PXDNL: variants seen among roughly 807,000 people sequenced by gnomAD.
PXDNL encodes the protein peroxidasin like.
Under a neutral mutation model 150.8 loss-of-function variants are expected in PXDNL, and 145 were observed. That is an observed-to-expected ratio of 0.96 (90% CI 0.84 to 1.10). The LOEUF is 1.10. PXDNL is among the 50% of genes least tolerant of loss of function. The pLI, the probability that PXDNL is intolerant of heterozygous loss-of-function variation, is 0.00. For missense variants in PXDNL, 2,087 were observed against 1,873.9 expected (o/e 1.11, Z -2.10); for synonymous variants, 757 against 725.7 (o/e 1.04, Z -0.69).
intron 4 of PXDNL, among the ~76,000 whole-genome samples, chr8:51,534,357 G>C (rs1209721894): frequency 4.0e-5 from 6 of 148,164 alleles, no homozygotes; most frequent in African/African-American, 1.5e-4. Context: ...GGAGGTGGGG[G>C]GGGGTCAGCC....
intron 3 of PXDNL, among the ~76,000 whole-genome samples, chr8:51,587,771 C>T (rs1434657801): frequency 6.6e-6 from 1 of 152,028 alleles, no homozygotes; most frequent in East Asian, 1.9e-4. Context: ...CTTAATTAAG[C>T]AAATATCAAG....
At chr8:51,748,649 A>G (rs151000462) in intron 1 of PXDNL, among the ~76,000 whole-genome samples, 2 of 152,292 alleles carry the variant, frequency 1.3e-5, no homozygotes, top group Non-Finnish European at 2.9e-5. Flanking sequence ...TGAACAAGTG[A>G]CCATAGAATT....
intron 1 of PXDNL, among the ~76,000 whole-genome samples, chr8:51,806,777 A>C (rs1317997374): frequency 6.6e-6 from 1 of 152,162 alleles, no homozygotes. Context: ...CCAAATCCCC[A>C]AAGGCCATCA....
chr8:51,701,743 C>T (rs1044584745), intron 1 of PXDNL, among the ~76,000 whole-genome samples: 20 of 152,130 alleles, frequency 1.3e-4, no homozygotes, highest in African/African-American at 4.6e-4. Flanking sequence ...AGTCTGATTG[C>T]TTTTCAATAA....
At chr8:51,402,951 G>A (rs1294006189) in intron 17 of PXDNL, among the ~76,000 whole-genome samples, 1 of 151,338 alleles carries the variant, frequency 6.6e-6, no homozygotes, top group African/African-American at 2.4e-5. Context: ...TTAGCCGGGC[G>A]AGGTGGCCGG....
chr8:51,659,440 T>C (rs1331454683), intron 1 of PXDNL, among the ~76,000 whole-genome samples: 1 of 152,196 alleles, frequency 6.6e-6, no homozygotes, highest in Non-Finnish European at 1.5e-5. Flanking sequence ...ACTAATAAGA[T>C]GTGAGTTTCT....
chr8:51,650,796 G>C (rs1815018123), intron 2 of PXDNL, among the ~76,000 whole-genome samples: 1 of 152,174 alleles, frequency 6.6e-6, no homozygotes, highest in Non-Finnish European at 1.5e-5. Flanking sequence ...TAAGAGCAAA[G>C]ACAAAATGAC....
At chr8:51,592,081 C>T (rs1813455680) in intron 3 of PXDNL, among the ~76,000 whole-genome samples, 1 of 152,192 alleles carries the variant, frequency 6.6e-6, no homozygotes, top group African/African-American at 2.4e-5. Context: ...GTCAAACAGG[C>T]AGTTGTTTAA....
chr8:51,330,007 G>A (rs542698295), intron 21 of PXDNL, among the ~76,000 whole-genome samples: 1 of 152,278 alleles, frequency 6.6e-6, no homozygotes, highest in East Asian at 1.9e-4. Flanking sequence ...AGTGCTGAGG[G>A]CAGGAGAGGC....
At chr8:51,379,981 G>T (rs182308180) in intron 17 of PXDNL, among the ~76,000 whole-genome samples, 3 of 151,786 alleles carry the variant, frequency 2.0e-5, no homozygotes, top group Non-Finnish European at 2.9e-5. Context: ...TTTTCTTGTG[G>T]CTTTCTATTC....
At chr8:51,617,678 C>A (rs1274223193) in intron 2 of PXDNL, among the ~76,000 whole-genome samples, 1 of 152,134 alleles carries the variant, frequency 6.6e-6, no homozygotes, top group Non-Finnish European at 1.5e-5. Flanking sequence ...GGCTAACATT[C>A]CATTTTTTTT....
Position 51,624,916 on chromosome 8 carries a change from C to T in PXDNL, c.236+29773G>A, listed in dbSNP as rs143528112. ...GCAGATGTCTTATTAATAAAACTTA[C>T]ATTTTACATAACGTAATTCTAAATG... On this transcript the variant is annotated intron_variant, in intron 2 of 22. Transcript: ENST00000356297. Among the ~76,000 whole-genome samples the T allele has an allele frequency of 6.3e-3, 955 of 151,952 alleles. 11 individuals are homozygous for T. Among genetic ancestry groups the T allele is most frequent in the African/African-American group, 0.022 (901 of 41,494 alleles).
At chr8:51,617,757 A>T (rs1814161093) in intron 2 of PXDNL, among the ~76,000 whole-genome samples, 1 of 152,236 alleles carries the variant, frequency 6.6e-6, no homozygotes, top group Non-Finnish European at 1.5e-5. Context: ...AAGCACAGTA[A>T]TTTAAAAACA....
intron 2 of PXDNL, among the ~76,000 whole-genome samples, chr8:51,617,115 C>T (rs867077061): frequency 2.6e-5 from 4 of 152,078 alleles, no homozygotes; most frequent in Non-Finnish European, 2.9e-5. Flanking sequence ...GGAGTCCTGG[C>T]GAAGCTTGAG....
At chr8:51,512,101 C>A (rs1811435061) in intron 4 of PXDNL, among the ~76,000 whole-genome samples, 1 of 152,150 alleles carries the variant, frequency 6.6e-6, no homozygotes, top group Non-Finnish European at 1.5e-5. Flanking sequence ...AAAAAAAACT[C>A]AAGTGGGCAG....
At chr8:51,741,671 C>T (rs1428623440) in intron 1 of PXDNL, among the ~76,000 whole-genome samples, 1 of 151,956 alleles carries the variant, frequency 6.6e-6, no homozygotes, top group African/African-American at 2.4e-5. Context: ...ATAGAGAACC[C>T]CAAAATAGAG....
intron 3 of PXDNL, among the ~76,000 whole-genome samples, chr8:51,586,031 A>G (rs1050231951): frequency 3.3e-5 from 5 of 152,118 alleles, no homozygotes; most frequent in Admixed American, 6.6e-5. Flanking sequence ...ATGGCAAAAA[A>G]TTCCTCCCAT....
chr8:51,421,448 C>T (rs957667707), intron 14 of PXDNL, among the ~76,000 whole-genome samples: 15 of 152,090 alleles, frequency 9.9e-5, no homozygotes, highest in African/African-American at 3.4e-4. Context: ...GCTTGTAATC[C>T]CAGCACTTTG....
At chr8:51,325,315 CCTT>C (rs1217954570) in intron 21 of PXDNL, among the ~76,000 whole-genome samples, 6 of 152,164 alleles carry the variant, frequency 3.9e-5, no homozygotes, top group Non-Finnish European at 7.3e-5. Context: ...CTTACTTAAG[CCTT>C]CTGGTTTAGG....
Sources: allele counts gnomAD v4.1 joint callset (sites outside exome capture counted in the v4.1 genomes callset), GRCh38; gene constraint gnomAD v4.1.1; transcripts MANE v1.5; gene names NCBI Gene and HGNC (gene_info 2026-07-23, HGNC 2026-07-21).